Variants in PLD1 observed in about 807,000 individuals in gnomAD.
The protein encoded by PLD1 is choline phosphatase 1.
A neutral mutation model predicts 137.1 loss-of-function variants in PLD1; 112 were observed. The ratio of observed to expected loss-of-function variants is 0.82; its 90% CI spans 0.70 to 0.96. The LOEUF (loss-of-function observed/expected upper bound fraction) is 0.96, where lower values mean the gene tolerates loss of function less well. Ranked by LOEUF, PLD1 falls within the 40% of genes least tolerant of loss-of-function variation. PLD1 has a pLI of 0.00. For synonymous variants in PLD1, 431 were observed against 454.7 expected (o/e 0.95, Z 0.66); for missense variants, 1,321 against 1,342.0 (o/e 0.98, Z 0.24).
chr3:171,771,668 T>G (rs1722357430), intron 1 of PLD1, among the ~76,000 whole-genome samples: 2 of 152,228 alleles, frequency 1.3e-5, no homozygotes, highest in South Asian at 4.1e-4. Flanking sequence ...GGCCATGAAA[T>G]GACTTTTATA....
At chr3:171,691,709 G>C (rs1715173262) in intron 13 of PLD1, among the ~76,000 whole-genome samples, 1 of 151,978 alleles carries the variant, frequency 6.6e-6, no homozygotes, top group South Asian at 2.1e-4. Context: ...ATCATTCTTT[G>C]GGAGAAAACA....
intron 23 of PLD1, among the ~76,000 whole-genome samples, chr3:171,620,741 T>TA (rs1733533007): frequency 1.3e-5 from 1 of 75,028 alleles, no homozygotes; most frequent in African/African-American, 6.1e-5. Context: ...TCTCTCTCTC[T>TA]CTATATATAT....
At chr3:171,751,785 G>A (rs1015363833) in intron 1 of PLD1, among the ~76,000 whole-genome samples, 4 of 152,186 alleles carry the variant, frequency 2.6e-5, no homozygotes, top group African/African-American at 9.6e-5. Context: ...CGGATCACGA[G>A]GTCAGGAGAT....
At chr3:171,645,122 G>T in intron 21 of PLD1, 99 bp from the exon 22 acceptor site, 1 of 776,708 alleles carries the variant, frequency 1.3e-6, no homozygotes, top group Non-Finnish European at 2.3e-6. Context: ...GAGATTGAGT[G>T]AATGGCTTCC....
chr3:171,731,827 T>C (rs183031229), intron 6 of PLD1, among the ~76,000 whole-genome samples: 3 of 152,166 alleles, frequency 2.0e-5, no homozygotes, highest in African/African-American at 7.2e-5. Flanking sequence ...CAGTTGCTAA[T>C]GAGGCTTTCC....
chr3:171,686,684 C>T lies in PLD1; in HGVS notation c.1867+1G>A. The T allele has an allele frequency of 6.7e-7, 1 of 1,492,992 alleles. No individual in the cohort carries two copies. Among genetic ancestry groups the T allele is most frequent in the South Asian group, 1.2e-5 (1 of 85,304 alleles). The allele number at this position is 1,492,992 out of a possible 1,614,324, so 92.5% of individuals were successfully genotyped here. A position where few individuals can be genotyped will look rare whatever the true frequency, so the allele number is the denominator to read the frequency against. Reference sequence around the variant, plus strand: ...GTTCTGCCACTTCACAAATTACTTACCAGCATGAGGTCTAGTGAGTCCTTG... The same window carrying T: ...GTTCTGCCACTTCACAAATTACTTATCAGCATGAGGTCTAGTGAGTCCTTG... On this transcript the variant is annotated splice_donor_variant, in intron 16 of 26. Coordinates refer to ENST00000351298, the MANE Select transcript of PLD1 (RefSeq NM_002662.5). LOFTEE classifies it high-confidence loss of function.
chr3:171,701,453 T>C (rs1000781595), intron 11 of PLD1, among the ~76,000 whole-genome samples: 3 of 152,234 alleles, frequency 2.0e-5, no homozygotes, highest in Non-Finnish European at 2.9e-5. Context: ...ACATTAAATA[T>C]GGGCTCAAAG....
At chr3:171,669,393 G>A (rs184345977) in intron 19 of PLD1, among the ~76,000 whole-genome samples, 519 of 152,196 alleles carry the variant, frequency 3.4e-3, no homozygotes, top group Admixed American at 7.8e-3. Flanking sequence ...TAACTTCTTT[G>A]TTGCAAACTT....
intron 17 of PLD1, among the ~76,000 whole-genome samples, chr3:171,677,325 T>C (rs1713478505): frequency 6.6e-6 from 1 of 152,180 alleles, no homozygotes; most frequent in South Asian, 2.1e-4. Flanking sequence ...AAAATATGCC[T>C]ATAAAAATCT....
At chr3:171,691,050 T>C (rs546868061) in intron 13 of PLD1, among the ~76,000 whole-genome samples, 1 of 152,348 alleles carries the variant, frequency 6.6e-6, no homozygotes, top group Admixed American at 6.5e-5. Flanking sequence ...CTTTTATTAA[T>C]ATATAATGTC....
Position 171,612,202 on chromosome 3 carries a change from C to T in PLD1, c.2882+77G>A. 7.2e-7 allele frequency: 1 copy of T among 1,385,756 alleles called. No individual in the cohort carries two copies. The allele number at this position is 1,385,756 out of a possible 1,614,324, so 85.8% of individuals were successfully genotyped here. ...AGAAGAACCTAGGATGACCCATGTG[C>T]TCAGGGCTAGCGGGGCTGGGTCCCA... is the stretch of plus-strand genomic sequence containing the variant. On this transcript the variant is annotated intron_variant, in intron 25 of 26. Transcript: ENST00000351298. This position sits in a 1 kb window ranked among gnomAD's most constrained non-coding sequence, Gnocchi z 4.1.
At chr3:171,609,237 A>G (rs1223476424) in intron 25 of PLD1, among the ~76,000 whole-genome samples, 1 of 152,136 alleles carries the variant, frequency 6.6e-6, no homozygotes, top group Non-Finnish European at 1.5e-5. Context: ...TCAAAAAACA[A>G]CAGCTGTTGG....
chr3:171,710,210 G>A (rs1193419999), intron 9 of PLD1, among the ~76,000 whole-genome samples: 2 of 152,034 alleles, frequency 1.3e-5, no homozygotes, highest in African/African-American at 4.8e-5. Context: ...ACAGGCACCC[G>A]CCACCACGCC....
At chr3:171,673,990 C>A (rs1018516461) in intron 19 of PLD1, among the ~76,000 whole-genome samples, 7 of 152,156 alleles carry the variant, frequency 4.6e-5, no homozygotes, top group African/African-American at 1.7e-4. Context: ...GGCCTCAGAG[C>A]CCCACTAGGT....
intron 1 of PLD1, among the ~76,000 whole-genome samples, chr3:171,807,361 A>G (rs555946998): frequency 6.6e-6 from 1 of 152,312 alleles, no homozygotes; most frequent in African/African-American, 2.4e-5. Context: ...TTGCTTAGTG[A>G]TAAAACTAAA....
intron 12 of PLD1, among the ~76,000 whole-genome samples, chr3:171,697,004 G>C (rs1445022370): frequency 6.6e-6 from 1 of 152,170 alleles, no homozygotes; most frequent in Admixed American, 6.5e-5. Flanking sequence ...ACTAGACACA[G>C]AAAAGGTAAC....
At chr3:171,648,703 T>C (rs1380198029) in intron 21 of PLD1, among the ~76,000 whole-genome samples, 1 of 152,142 alleles carries the variant, frequency 6.6e-6, no homozygotes, top group Non-Finnish European at 1.5e-5. Flanking sequence ...TACAATCGTC[T>C]GCCACCACGC....
chr3:171,809,402 T>TA (rs1724019254), intron 1 of PLD1: 1 of 152,212 alleles, frequency 6.6e-6, no homozygotes. Flanking sequence ...CACCACGAAC[T>TA]AAACCATTTA....
chr3:171,631,397 C>G (rs556378707), intron 23 of PLD1, among the ~76,000 whole-genome samples: 1 of 151,970 alleles, frequency 6.6e-6, no homozygotes, highest in African/African-American at 2.4e-5. Flanking sequence ...AGAAGGAATC[C>G]TATGCTGTGG....
Sources: gnomAD v4.1 joint callset for allele counts (sites outside exome capture counted in the v4.1 genomes callset) on GRCh38, gnomAD v4.1.1 for gene constraint, Gnocchi (gnomAD v3.1) non-coding constraint, MANE v1.5 for transcripts, NCBI Gene and HGNC (gene_info 2026-07-23, HGNC 2026-07-21) for gene names.